The following ITGA1 variants were observed in gnomAD, a reference collection of about 807,000 sequenced individuals.
ITGA1 encodes the protein integrin subunit alpha 1, also known as integrin alpha-1.
ITGA1 carries 85 observed loss-of-function variants against 145.9 expected under a neutral mutation model. The ratio of observed to expected loss-of-function variants is 0.58; its 90% CI spans 0.49 to 0.70. ITGA1 has a LOEUF of 0.70. Among genes scored for constraint, ITGA1 ranks in the 30% least tolerant of loss-of-function variants. The pLI, the probability that ITGA1 is intolerant of heterozygous loss-of-function variation, is 0.00. For missense variants in ITGA1, 1,351 were observed against 1,418.7 expected (o/e 0.95, Z 0.77); for synonymous variants, 520 against 495.3 (o/e 1.05, Z -0.66).
chr5:52,893,634 A>G, intron 8 of ITGA1, 41 bp from the exon 9 acceptor site: 1 of 1,565,044 alleles, frequency 6.4e-7, no homozygotes, highest in Non-Finnish European at 8.7e-7. Context: ...TTTAACACAT[A>G]GAATTTAAAA....
intron 26 of ITGA1, 88 bp downstream of exon 26, chr5:52,940,032 T>C (rs918307376): frequency 5.0e-6 from 4 of 806,726 alleles, no homozygotes; most frequent in East Asian, 5.3e-5. Context: ...ACTGTGCTGC[T>C]TTTGGAAAGA....
intron 6 of ITGA1, among the ~76,000 whole-genome samples, chr5:52,877,997 T>C (rs1458321083): frequency 1.3e-5 from 2 of 152,176 alleles, no homozygotes; most frequent in African/African-American, 4.8e-5. Flanking sequence ...AAACAAGGTA[T>C]CAACAGAGGA....
rs1169160414 is a variant in ITGA1 at position 52,958,899 on chromosome 5, G to A, written c.*6448G>A. ...TAAACTCATTAGAAGAAAATGTTTC[G>A]ATTGCATTCAGGAACAAAGAAGCAT... On this transcript the variant is annotated 3_prime_UTR_variant, in exon 29 of 29. Transcript: ENST00000282588. The A allele has an allele frequency of 1.3e-5, 2 of 151,938 alleles. No homozygotes were observed. The highest frequency in any genetic ancestry group is 1.9e-4 in the East Asian group (1 of 5,190). 9.4% of individuals were successfully genotyped at this position (151,938 alleles called of 1,614,324 possible). A position where few individuals can be genotyped will look rare whatever the true frequency, so the allele number is the denominator to read the frequency against.
intron 26 of ITGA1, among the ~76,000 whole-genome samples, chr5:52,940,906 G>A (rs370068420): frequency 6.6e-6 from 1 of 152,164 alleles, no homozygotes; most frequent in Non-Finnish European, 1.5e-5. Flanking sequence ...CGCTCAGGTA[G>A]TGGGCATAAT....
At chr5:52,929,948 G>A (rs1044440038) in intron 21 of ITGA1, among the ~76,000 whole-genome samples, 7 of 152,098 alleles carry the variant, frequency 4.6e-5, no homozygotes, top group Non-Finnish European at 7.4e-5. Flanking sequence ...AGCTATAGAA[G>A]ATACCATAAT....
chr5:52,791,968 C>A (rs759038587), intron 1 of ITGA1, among the ~76,000 whole-genome samples: 1 of 152,146 alleles, frequency 6.6e-6, no homozygotes. Flanking sequence ...TAAGTTCATT[C>A]TCTCTTGCTC....
At position 52,788,039 on chromosome 5, in the gene ITGA1, G is replaced by A; in HGVS notation, c.-315G>A. On this transcript the variant is annotated 5_prime_UTR_variant, in exon 1 of 29. Transcript: ENST00000282588. ...TGGACTTTAGCCTAAACACGGACCC[G>A]CGAAGCTGGCTTTATTTGTCCATGT... 3.0e-6 allele frequency: 1 copy of A among 329,122 alleles called. No individual in the cohort carries two copies. Among genetic ancestry groups the A allele is most frequent in the Non-Finnish European group, 5.5e-6 (1 of 180,618 alleles). 20.4% of individuals were successfully genotyped at this position (329,122 alleles called of 1,614,324 possible). A position where few individuals can be genotyped will look rare whatever the true frequency, so the allele number is the denominator to read the frequency against.
chr5:52,917,881 C>G (rs1750671586), intron 15 of ITGA1, among the ~76,000 whole-genome samples: 1 of 152,138 alleles, frequency 6.6e-6, no homozygotes, highest in Non-Finnish European at 1.5e-5. Flanking sequence ...AAGAAAACCA[C>G]CTTTTTTTAA....
intron 28 of ITGA1, among the ~76,000 whole-genome samples, chr5:52,951,267 T>C (rs1426924975): frequency 2.0e-5 from 3 of 152,222 alleles, no homozygotes; most frequent in African/African-American, 7.2e-5. Context: ...GCTCGATCTA[T>C]TATAGCCCCC....
intron 24 of ITGA1, 74 bp downstream of exon 24, chr5:52,937,588 C>A: frequency 1.1e-6 from 1 of 888,348 alleles, no homozygotes; most frequent in Non-Finnish European, 1.8e-6. Context: ...TTTTGTTCTG[C>A]ATGATACTTG....
At chr5:52,912,721 TG>T (rs1166976761) in intron 14 of ITGA1, among the ~76,000 whole-genome samples, 1 of 140,096 alleles carries the variant, frequency 7.1e-6, no homozygotes, top group East Asian at 2.0e-4. Context: ...AGTGTGTGTG[TG>T]TGTGTGTGTG....
intron 1 of ITGA1, among the ~76,000 whole-genome samples, chr5:52,790,217 C>T (rs1450862022): frequency 2.6e-5 from 4 of 152,164 alleles, no homozygotes; most frequent in African/African-American, 9.7e-5. Context: ...GTCTACCCTC[C>T]TAATACATCA....
chr5:52,926,526 C>T (rs190753756), intron 19 of ITGA1, among the ~76,000 whole-genome samples: 1,809 of 152,092 alleles, frequency 0.012, 32 homozygotes, highest in African/African-American at 0.041. Context: ...CACTTGAACC[C>T]GGGAGGTGGA....
At chr5:52,834,571 A>AAGAAAGAAAGAAAGAGAGG (rs1749129084) in intron 1 of ITGA1, among the ~76,000 whole-genome samples, 1 of 147,124 alleles carries the variant, frequency 6.8e-6, no homozygotes, top group South Asian at 2.2e-4. Context: ...AGAAAGAGAG[A>AAGAAAGAAAGAAAGAGAGG]AGAAAGAAAG....
At chr5:52,816,657 C>T (rs1199857216) in intron 1 of ITGA1, among the ~76,000 whole-genome samples, 1 of 152,270 alleles carries the variant, frequency 6.6e-6, no homozygotes, top group Non-Finnish European at 1.5e-5. Context: ...TGGTTACCAA[C>T]GAAGGACCAT....
intron 24 of ITGA1, among the ~76,000 whole-genome samples, chr5:52,938,925 C>A (rs1751011829): frequency 6.6e-6 from 1 of 151,578 alleles, no homozygotes; most frequent in African/African-American, 2.4e-5. Flanking sequence ...TTTTTTGAGA[C>A]GGAATCTCTC....
chr5:52,814,460 G>T (rs1435434708), intron 1 of ITGA1, among the ~76,000 whole-genome samples: 1 of 152,112 alleles, frequency 6.6e-6, no homozygotes, highest in African/African-American at 2.4e-5. Flanking sequence ...AACACTTACT[G>T]TTCCTCATCA....
At chr5:52,789,461 C>T (rs747339967) in intron 1 of ITGA1, among the ~76,000 whole-genome samples, 7 of 152,060 alleles carry the variant, frequency 4.6e-5, no homozygotes, top group Non-Finnish European at 1.0e-4. Context: ...CCTTAGATGG[C>T]CAAGCATTGT....
chr5:52,936,866 A>G (rs1373666980), intron 23 of ITGA1, among the ~76,000 whole-genome samples: 2 of 151,424 alleles, frequency 1.3e-5, no homozygotes, highest in Non-Finnish European at 2.9e-5. Flanking sequence ...AGCTGGGGGT[A>G]GAATTGTGAA....
Sources: allele counts gnomAD v4.1 joint callset (sites outside exome capture counted in the v4.1 genomes callset), GRCh38; gene constraint gnomAD v4.1.1; transcripts MANE v1.5; gene names NCBI Gene and HGNC (gene_info 2026-07-23, HGNC 2026-07-21).